Variants in CNTNAP2 observed in about 807,000 individuals in gnomAD.
The protein encoded by CNTNAP2 is contactin associated protein 2.
CNTNAP2 carries 98 observed loss-of-function variants against 155.2 expected under a neutral mutation model. The ratio of observed to expected loss-of-function variants is 0.63; its 90% CI spans 0.54 to 0.75. The LOEUF is 0.75. Among genes scored for constraint, CNTNAP2 ranks in the 30% least tolerant of loss-of-function variants. The probability of loss-of-function intolerance (pLI) is 0.00; values close to 1 mark genes in which losing one functional copy is unlikely to be tolerated. For synonymous variants in CNTNAP2, 651 were observed against 631.2 expected (o/e 1.03, Z -0.47); for missense variants, 1,727 against 1,688.1 (o/e 1.02, Z -0.40).
chr7:146,341,226 A>C (rs1794718182), intron 1 of CNTNAP2, among the ~76,000 whole-genome samples: 1 of 152,158 alleles, frequency 6.6e-6, no homozygotes, highest in South Asian at 2.1e-4. Context: ...TAAGTCCTAA[A>C]TGAAATGCCA....
intron 2 of CNTNAP2, among the ~76,000 whole-genome samples, chr7:146,834,148 C>T (rs113344424): frequency 3.8e-4 from 58 of 152,128 alleles, no homozygotes; most frequent in Non-Finnish European, 7.4e-4. Flanking sequence ...GGTGTTAAAA[C>T]CACCAACTTG....
intron 15 of CNTNAP2, among the ~76,000 whole-genome samples, chr7:148,060,008 A>C (rs1034181211): frequency 6.6e-6 from 1 of 152,016 alleles, no homozygotes; most frequent in South Asian, 2.1e-4. Flanking sequence ...TCATGCATTC[A>C]TTATATTCTT....
At chr7:148,179,975 G>A (rs1305278308) in intron 18 of CNTNAP2, among the ~76,000 whole-genome samples, 2 of 152,088 alleles carry the variant, frequency 1.3e-5, no homozygotes, top group Non-Finnish European at 1.5e-5. Context: ...TATGAAACAG[G>A]GACCAGAATA....
At chr7:147,489,999 T>C (rs946007358) in intron 11 of CNTNAP2, among the ~76,000 whole-genome samples, 4 of 152,222 alleles carry the variant, frequency 2.6e-5, no homozygotes, top group Admixed American at 6.5e-5. Flanking sequence ...TGAAAACTTT[T>C]GGCTAATTTA....
At chr7:146,501,032 C>T (rs1322796861) in intron 1 of CNTNAP2, among the ~76,000 whole-genome samples, 4 of 151,624 alleles carry the variant, frequency 2.6e-5, no homozygotes, top group African/African-American at 9.7e-5. Context: ...CATTGATTTT[C>T]ATATTCTAAA....
chr7:146,993,369 A>T (rs999409311), intron 3 of CNTNAP2, among the ~76,000 whole-genome samples: 2 of 152,116 alleles, frequency 1.3e-5, no homozygotes, highest in Non-Finnish European at 2.9e-5. Context: ...TTCTTCCCTT[A>T]CAAATCGAAT....
chr7:147,553,330 G>A (rs1222992479), intron 11 of CNTNAP2, among the ~76,000 whole-genome samples: 2 of 152,134 alleles, frequency 1.3e-5, no homozygotes, highest in East Asian at 1.9e-4. Flanking sequence ...ATGATCTCAG[G>A]ACAAGCATGG....
intron 3 of CNTNAP2, among the ~76,000 whole-genome samples, chr7:146,958,005 C>A (rs746484351): frequency 3.3e-5 from 5 of 152,156 alleles, no homozygotes; most frequent in Non-Finnish European, 7.4e-5. Flanking sequence ...CCATTAGAAT[C>A]TAGCCAGAAT....
intron 1 of CNTNAP2, among the ~76,000 whole-genome samples, chr7:146,144,306 C>T (rs1032281245): frequency 1.3e-5 from 2 of 151,992 alleles, no homozygotes; most frequent in African/African-American, 2.4e-5. Flanking sequence ...TGCGCACCAG[C>T]GTGCCTGGCT....
chr7:146,891,606 T>G (rs1795778668), intron 3 of CNTNAP2, among the ~76,000 whole-genome samples: 1 of 152,126 alleles, frequency 6.6e-6, no homozygotes, highest in Non-Finnish European at 1.5e-5. Context: ...ATATGAACAG[T>G]TTTTGTTCTT....
At chr7:146,141,886 C>G (rs547379319) in intron 1 of CNTNAP2, among the ~76,000 whole-genome samples, 1 of 152,044 alleles carries the variant, frequency 6.6e-6, no homozygotes, top group Non-Finnish European at 1.5e-5. Context: ...ATTAAAGACT[C>G]ATAGCCTTTA....
chr7:147,459,662 A>G (rs1371557572), intron 10 of CNTNAP2, among the ~76,000 whole-genome samples: 3 of 152,134 alleles, frequency 2.0e-5, no homozygotes, highest in Admixed American at 6.5e-5. Flanking sequence ...TGAGCCAAGG[A>G]ATGCAGACTG....
intron 13 of CNTNAP2, among the ~76,000 whole-genome samples, chr7:147,900,841 C>T (rs13243931): frequency 0.2 from 30,634 of 152,042 alleles, 3,448 homozygotes; most frequent in Middle Eastern, 0.28. Flanking sequence ...CAGCATTTCT[C>T]CCACTTCCAA....
intron 8 of CNTNAP2, among the ~76,000 whole-genome samples, chr7:147,243,872 TG>T (rs772967746): frequency 1.1e-4 from 16 of 152,178 alleles, no homozygotes; most frequent in Admixed American, 2.0e-4. Flanking sequence ...ACTATCTAGT[TG>T]GCACCAAGGA....
intron 13 of CNTNAP2, among the ~76,000 whole-genome samples, chr7:147,721,114 A>T (rs1796560706): frequency 6.6e-6 from 1 of 152,146 alleles, no homozygotes; most frequent in Non-Finnish European, 1.5e-5. Flanking sequence ...TACCTGAAAT[A>T]GAATCCTAGG....
At chr7:146,469,107 G>A (rs990398451) in intron 1 of CNTNAP2, among the ~76,000 whole-genome samples, 1 of 152,182 alleles carries the variant, frequency 6.6e-6, no homozygotes, top group Admixed American at 6.5e-5. Context: ...GCAGCATCCA[G>A]CTCCTCCTTC....
At chr7:146,681,238 T>C (rs1800495760) in intron 1 of CNTNAP2, among the ~76,000 whole-genome samples, 1 of 150,986 alleles carries the variant, frequency 6.6e-6, no homozygotes, top group Non-Finnish European at 1.5e-5. Flanking sequence ...CAGAATACTT[T>C]AGAACTTCCT....
At chr7:146,361,443 TA>T (rs1282198367) in intron 1 of CNTNAP2, among the ~76,000 whole-genome samples, 1 of 152,198 alleles carries the variant, frequency 6.6e-6, no homozygotes, top group Non-Finnish European at 1.5e-5. Flanking sequence ...TGATTTAAAC[TA>T]CTTTCAATTT....
intron 10 of CNTNAP2, among the ~76,000 whole-genome samples, chr7:147,396,070 A>T (rs1012271689): frequency 6.8e-6 from 1 of 148,038 alleles, no homozygotes; most frequent in Non-Finnish European, 1.5e-5. Flanking sequence ...CATATATAAC[A>T]TATATACATA....
Sources: gnomAD v4.1 joint callset for allele counts (sites outside exome capture counted in the v4.1 genomes callset) on GRCh38, gnomAD v4.1.1 for gene constraint, MANE v1.5 for transcripts, NCBI Gene and HGNC (gene_info 2026-07-23, HGNC 2026-07-21) for gene names.